Variants in VPS13B observed in about 807,000 individuals in gnomAD.
VPS13B encodes intermembrane lipid transfer protein VPS13B.
VPS13B carries 285 observed loss-of-function variants against 426.4 expected under a neutral mutation model. The observed-to-expected ratio is 0.67, with a 90% CI of 0.61 to 0.74. The LOEUF (loss-of-function observed/expected upper bound fraction) is 0.74. Among genes scored for constraint, VPS13B ranks in the 30% least tolerant of loss-of-function variants. The pLI is 0.00. For missense variants in VPS13B, 4,537 were observed against 4,782.6 expected (o/e 0.95, Z 1.51); for synonymous variants, 1,676 against 1,676.4 (o/e 1.00, Z 0.01).
intron 36 of VPS13B, among the ~76,000 whole-genome samples, chr8:99,716,858 A>T (rs964517412): frequency 6.6e-6 from 1 of 152,210 alleles, no homozygotes; most frequent in Non-Finnish European, 1.5e-5. Flanking sequence ...AGCTGTTCTT[A>T]TTCTTAATGT....
chr8:99,310,752 A>G (rs988014031), intron 19 of VPS13B, among the ~76,000 whole-genome samples: 2 of 152,178 alleles, frequency 1.3e-5, no homozygotes, highest in African/African-American at 4.8e-5. Context: ...GAATAGTTTC[A>G]GAAGGAATGG....
chr8:99,710,276 G>C (rs1832658501), intron 36 of VPS13B, among the ~76,000 whole-genome samples: 1 of 152,160 alleles, frequency 6.6e-6, no homozygotes, highest in African/African-American at 2.4e-5. Flanking sequence ...CCATTGTTAA[G>C]AAGGTAGCTC....
intron 20 of VPS13B, among the ~76,000 whole-genome samples, chr8:99,389,146 C>A (rs935767821): frequency 6.6e-5 from 10 of 151,348 alleles, no homozygotes; most frequent in African/African-American, 2.2e-4. Context: ...GAGACTCTGT[C>A]TCAAAAAGAA....
At chr8:99,128,120 A>G (rs7463462) in intron 8 of VPS13B, among the ~76,000 whole-genome samples, 69 of 151,838 alleles carry the variant, frequency 4.5e-4, no homozygotes, top group Non-Finnish European at 5.6e-4. Context: ...GCTGGGCATG[A>G]TGGCTCACAC....
intron 25 of VPS13B, among the ~76,000 whole-genome samples, chr8:99,487,193 G>T (rs1168584685): frequency 6.6e-6 from 1 of 151,830 alleles, no homozygotes; most frequent in African/African-American, 2.4e-5. Flanking sequence ...GGTAGTGAAG[G>T]GTAGAGAGTA....
At chr8:99,095,933 T>A (rs988523542) in intron 3 of VPS13B, among the ~76,000 whole-genome samples, 1 of 152,058 alleles carries the variant, frequency 6.6e-6, no homozygotes, top group African/African-American at 2.4e-5. Context: ...AAACAACAAA[T>A]GGGGAAAAAT....
chr8:99,416,262 G>C (rs542882935), intron 21 of VPS13B, among the ~76,000 whole-genome samples: 5 of 151,888 alleles, frequency 3.3e-5, no homozygotes, highest in Non-Finnish European at 7.4e-5. Flanking sequence ...GGATGCCCCC[G>C]CCCCCCCACC....
At chr8:99,605,990 G>A (rs1028296001) in intron 33 of VPS13B, among the ~76,000 whole-genome samples, 1 of 152,152 alleles carries the variant, frequency 6.6e-6, no homozygotes, top group Admixed American at 6.5e-5. Context: ...CTGCCTCCCA[G>A]ATTCAAGGGA....
At chr8:99,774,013 A>G (rs2130655492) in intron 40 of VPS13B, among the ~76,000 whole-genome samples, 1 of 152,294 alleles carries the variant, frequency 6.6e-6, no homozygotes, top group South Asian at 2.1e-4. Flanking sequence ...ATTTATGACT[A>G]TTTAGTCCTA....
At chr8:99,811,896 T>C (rs951510397) in intron 44 of VPS13B, among the ~76,000 whole-genome samples, 1 of 152,194 alleles carries the variant, frequency 6.6e-6, no homozygotes, top group African/African-American at 2.4e-5. Flanking sequence ...GCCATAGCCC[T>C]ATATACCATA....
At chr8:99,704,569 A>T (rs1393455239) in intron 36 of VPS13B, among the ~76,000 whole-genome samples, 2 of 152,224 alleles carry the variant, frequency 1.3e-5, no homozygotes, top group Non-Finnish European at 2.9e-5. Flanking sequence ...AAGAAATAGC[A>T]TCTCTGTCTA....
At position 99,097,093 on chromosome 8, in the gene VPS13B, A is replaced by C. The variant is rs1846469059; in HGVS notation, c.412+661A>C. On this transcript the variant is annotated intron_variant, in intron 4 of 61. Transcript: ENST00000357162. ...TCATTGAGGAGAACTATTTGCAGGG[A>C]TATTACTTATGACTTAGAAGTTAAA... 3.3e-5 allele frequency among the ~76,000 whole-genome samples: 5 copies of C among 152,294 alleles called. No individual in the cohort carries two copies. In the South Asian group the frequency reaches 1.0e-3, roughly 32 times the overall value.
intron 3 of VPS13B, among the ~76,000 whole-genome samples, chr8:99,074,368 G>A (rs1193343985): frequency 1.3e-5 from 2 of 151,888 alleles, no homozygotes; most frequent in Non-Finnish European, 2.9e-5. Flanking sequence ...ATTGATTTGT[G>A]TATGTTGAAT....
chr8:99,745,797 GT>G (rs970391913), intron 39 of VPS13B, among the ~76,000 whole-genome samples: 1 of 151,940 alleles, frequency 6.6e-6, no homozygotes, highest in African/African-American at 2.4e-5. Context: ...TGTTGATGTT[GT>G]TATTGTTTTT....
chr8:99,693,775 A>G (rs1345359504), intron 35 of VPS13B, among the ~76,000 whole-genome samples: 3 of 148,892 alleles, frequency 2.0e-5, no homozygotes, highest in Non-Finnish European at 3.0e-5. Context: ...TGCAGACGAC[A>G]TGATTGTTTA....
At chr8:99,115,297 A>G (rs1847598127) in intron 6 of VPS13B, among the ~76,000 whole-genome samples, 1 of 152,078 alleles carries the variant, frequency 6.6e-6, no homozygotes, top group African/African-American at 2.4e-5. Context: ...CTAAAATGAC[A>G]TAAAATTTTT....
At chr8:99,790,894 T>G (rs1283177711) in intron 43 of VPS13B, among the ~76,000 whole-genome samples, 1 of 152,100 alleles carries the variant, frequency 6.6e-6, no homozygotes, top group Non-Finnish European at 1.5e-5. Context: ...AGTACATGTG[T>G]GGAGCTGCAA....
intron 33 of VPS13B, among the ~76,000 whole-genome samples, chr8:99,591,164 CTTT>C (rs376201526): frequency 2.1e-5 from 2 of 96,528 alleles, no homozygotes; most frequent in Non-Finnish European, 2.0e-5. Context: ...GCAACCGCTC[CTTT>C]TTTTTTTTTT....
At chr8:99,680,316 C>T (rs1258852026) in intron 35 of VPS13B, among the ~76,000 whole-genome samples, 2 of 152,066 alleles carry the variant, frequency 1.3e-5, no homozygotes, top group Non-Finnish European at 2.9e-5. Context: ...ATGTTTGGTC[C>T]CCCACAAGGT....
Sources: allele counts gnomAD v4.1 joint callset (sites outside exome capture counted in the v4.1 genomes callset), GRCh38; gene constraint gnomAD v4.1.1; transcripts MANE v1.5; gene names NCBI Gene and HGNC (gene_info 2026-07-23, HGNC 2026-07-21).